STARD13: variants seen among roughly 807,000 people sequenced by gnomAD.
STARD13 encodes stAR-related lipid transfer protein 13.
In STARD13, 62 loss-of-function variants were observed where a neutral mutation model predicts 106.4. That is an observed-to-expected ratio of 0.58 (90% CI 0.48 to 0.72). The LOEUF (loss-of-function observed/expected upper bound fraction) is 0.72. Ranked by LOEUF, STARD13 falls within the 30% of genes least tolerant of loss-of-function variation. The pLI is 0.00. For synonymous variants in STARD13, 565 were observed against 553.0 expected, an observed-to-expected ratio of 1.02 and a Z score of -0.31; for missense variants, 1,387 against 1,424.0, an observed-to-expected ratio of 0.97 and a Z score of 0.42.
chr13:33,152,551 A>T (rs978374524), intron 3 of STARD13, among the ~76,000 whole-genome samples: 6 of 152,216 alleles, frequency 3.9e-5, no homozygotes, highest in African/African-American at 1.2e-4. Flanking sequence ...TCAGAAAGGA[A>T]TGAGGAACAA....
the STARD13 span, among the ~76,000 whole-genome samples, chr13:33,562,434 G>A: frequency 1.4e-5 from 2 of 146,574 alleles, 1 homozygote; most frequent in Non-Finnish European, 3.0e-5. Context: ...CAGGTCATAT[G>A]ACACTTCCTT....
At chr13:33,274,070 C>A in intron 1 of STARD13, 1 of 142,468 alleles carries the variant, frequency 7.0e-6, no homozygotes. Context: ...TAAGCAGAGG[C>A]ATATCATAAA....
At chr13:33,112,682 G>T (rs1026309594) in intron 9 of STARD13, 39 bp downstream of exon 9, 1 of 1,498,686 alleles carries the variant, frequency 6.7e-7, no homozygotes, top group Non-Finnish European at 9.0e-7. Flanking sequence ...GGGAATGCCT[G>T]CTTTGGGATT....
chr13:33,665,648 T>C, the STARD13 span, among the ~76,000 whole-genome samples: 1 of 152,240 alleles, frequency 6.6e-6, no homozygotes, highest in African/African-American at 2.4e-5. Flanking sequence ...TTTTTTCTCT[T>C]ATAGGAGAAC....
At chr13:33,563,816 A>T in the STARD13 span, among the ~76,000 whole-genome samples, 1 of 147,472 alleles carries the variant, frequency 6.8e-6, no homozygotes, top group Non-Finnish European at 1.5e-5. Flanking sequence ...ATATTTGTAA[A>T]CTATCCATCA....
At chr13:33,270,840 A>G (rs1390643890) in intron 1 of STARD13, among the ~76,000 whole-genome samples, 1 of 152,220 alleles carries the variant, frequency 6.6e-6, no homozygotes, top group Non-Finnish European at 1.5e-5. Context: ...GAGAAGCAAC[A>G]CCATCTATAG....
At chr13:33,527,158 G>A in the STARD13 span, among the ~76,000 whole-genome samples, 1 of 151,996 alleles carries the variant, frequency 6.6e-6, no homozygotes, top group Admixed American at 6.6e-5. Flanking sequence ...TGCAAAATAA[G>A]TGAACAAGAG....
At chr13:33,190,325 G>A (rs1886151567) in intron 1 of STARD13, among the ~76,000 whole-genome samples, 1 of 152,164 alleles carries the variant, frequency 6.6e-6, no homozygotes, top group Admixed American at 6.5e-5. Flanking sequence ...GGAGGCTGAA[G>A]TGGGAGGATT....
intron 1 of STARD13, among the ~76,000 whole-genome samples, chr13:33,227,257 G>A (rs1417600268): frequency 6.6e-6 from 1 of 152,210 alleles, no homozygotes; most frequent in African/African-American, 2.4e-5. Context: ...TTAGTTCAAG[G>A]TCTGCTGGCA....
At chr13:33,173,949 G>C (rs888566690) in intron 1 of STARD13, among the ~76,000 whole-genome samples, 9 of 152,194 alleles carry the variant, frequency 5.9e-5, no homozygotes, top group Non-Finnish European at 1.0e-4. Flanking sequence ...GCAAGAATGA[G>C]AGATGTGTTG....
At chr13:33,312,002 C>T (rs138894033) in intron 1 of STARD13, among the ~76,000 whole-genome samples, 41 of 152,328 alleles carry the variant, frequency 2.7e-4, no homozygotes, top group African/African-American at 9.1e-4. Flanking sequence ...GTTAATGCTA[C>T]AGGATTTGTC....
intron 1 of STARD13, among the ~76,000 whole-genome samples, chr13:33,300,907 T>G (rs1892684325): frequency 6.6e-6 from 1 of 152,166 alleles, no homozygotes; most frequent in African/African-American, 2.4e-5. Context: ...GCTTTGAACA[T>G]GCGCTTCCCT....
chr13:33,546,648 T>TA, the STARD13 span, among the ~76,000 whole-genome samples: 1 of 143,520 alleles, frequency 7.0e-6, no homozygotes, highest in African/African-American at 2.7e-5. Flanking sequence ...GTTGTCGTAT[T>TA]AATTTTTTTT....
the STARD13 span, among the ~76,000 whole-genome samples, chr13:33,591,682 G>T: frequency 6.6e-6 from 1 of 152,070 alleles, no homozygotes; most frequent in Non-Finnish European, 1.5e-5. Flanking sequence ...TCATTTTTCT[G>T]GAGCCACACA....
At chr13:33,414,873 C>T in the STARD13 span, among the ~76,000 whole-genome samples, 1 of 152,130 alleles carries the variant, frequency 6.6e-6, no homozygotes, top group Non-Finnish European at 1.5e-5. Flanking sequence ...TAGTAATATA[C>T]ATAGCATGCT....
intron 13 of STARD13, 41 bp downstream of exon 13, chr13:33,106,717 T>A: frequency 2.6e-6 from 4 of 1,541,466 alleles, no homozygotes; most frequent in Non-Finnish European, 3.5e-6. Flanking sequence ...AAGCTGAGAC[T>A]CCCAAGATCT....
At chr13:33,156,426 G>C (rs1213715595) in intron 3 of STARD13, among the ~76,000 whole-genome samples, 2 of 152,166 alleles carry the variant, frequency 1.3e-5, no homozygotes, top group East Asian at 1.9e-4. Context: ...ACCTGAAATG[G>C]CTCCACTGGC....
chr13:33,312,470 C>T (rs1468139738), intron 1 of STARD13, among the ~76,000 whole-genome samples: 1 of 152,142 alleles, frequency 6.6e-6, no homozygotes, highest in Non-Finnish European at 1.5e-5. Flanking sequence ...GCCCTCACCC[C>T]ACCCCCATCC....
intron 1 of STARD13, among the ~76,000 whole-genome samples, chr13:33,186,934 T>C (rs1885821836): frequency 6.6e-6 from 1 of 152,204 alleles, no homozygotes; most frequent in African/African-American, 2.4e-5. Flanking sequence ...TGGGAAGTAG[T>C]TCACAGCAAC....
Sources: allele counts gnomAD v4.1 joint callset (sites outside exome capture counted in the v4.1 genomes callset), GRCh38; gene constraint gnomAD v4.1.1; transcripts MANE v1.5; gene names NCBI Gene and HGNC (gene_info 2026-07-23, HGNC 2026-07-21).